Variants in ASB4 observed in about 807,000 individuals in gnomAD.
The protein encoded by ASB4 is ankyrin repeat and SOCS box protein 4.
ASB4 carries 35 observed loss-of-function variants against 38.6 expected under a neutral mutation model. The observed-to-expected ratio is 0.91, with a 90% CI of 0.69 to 1.20. The LOEUF (loss-of-function observed/expected upper bound fraction) is 1.20. Ranked by LOEUF, ASB4 falls within the 50% of genes most tolerant of loss-of-function variation. The pLI, the probability that ASB4 is intolerant of heterozygous loss-of-function variation, is 0.00. For missense variants in ASB4, 557 were observed against 527.2 expected (o/e 1.06, Z -0.55); for synonymous variants, 195 against 201.3 (o/e 0.97, Z 0.26).
Position 95,493,361 on chromosome 7 carries a change from AGTGTGTGT to A in ASB4, c.188-2374_188-2367del, listed in dbSNP as rs199528876. Among the ~76,000 whole-genome samples the A allele has an allele frequency of 6.1e-3, 738 of 120,812 alleles. 10 individuals are homozygous for A. In the East Asian group the frequency reaches 0.062, roughly 10 times the overall value. 79.3% of individuals were successfully genotyped at this position (120,812 alleles called of 152,430 possible). ...CTGAATGGAGTAAAAAAGAGATGAA[AGTGTGTGT>A]GTGTGTGTGTGTGTGTGTGTGTATG... On this transcript the variant is annotated intron_variant, in intron 1 of 4. Transcript: ENST00000325885.
intron 2 of ASB4, among the ~76,000 whole-genome samples, chr7:95,523,572 T>C (rs1396030341): frequency 6.6e-6 from 1 of 152,170 alleles, no homozygotes; most frequent in African/African-American, 2.4e-5. Context: ...AGGTAATTAG[T>C]CTTATGCATC....
chr7:95,519,198 G>A (rs941068065), intron 2 of ASB4, among the ~76,000 whole-genome samples: 2 of 152,122 alleles, frequency 1.3e-5, no homozygotes, highest in African/African-American at 2.4e-5. Flanking sequence ...CTAGAAAAAA[G>A]CAACCAACTG....
At chr7:95,477,455 TTATC>T (rs1384725227), upstream of ASB4, among the ~76,000 whole-genome samples, 1 of 152,198 alleles carries the variant, frequency 6.6e-6, no homozygotes, top group African/African-American at 2.4e-5. Context: ...TTTCACAAAT[TTATC>T]TACTGTAAAA....
chr7:95,502,508 G>T (rs983721349), intron 2 of ASB4, among the ~76,000 whole-genome samples: 32 of 152,178 alleles, frequency 2.1e-4, no homozygotes, highest in African/African-American at 7.5e-4. Flanking sequence ...ACCCAGGGCT[G>T]TCATTTACTT....
chr7:95,517,712 G>A (rs888559966), intron 2 of ASB4, among the ~76,000 whole-genome samples: 1 of 152,144 alleles, frequency 6.6e-6, no homozygotes, highest in Non-Finnish European at 1.5e-5. Context: ...GGCCACTAGT[G>A]ATCTTCGTCT....
At chr7:95,472,750 C>T in the ASB4 span, among the ~76,000 whole-genome samples, 16 of 152,098 alleles carry the variant, frequency 1.1e-4, no homozygotes, top group African/African-American at 3.9e-4. Flanking sequence ...CGCGGTTAAC[C>T]TCAGCTGGAT....
chr7:95,515,205 CTTTCTT>C (rs1200341388), intron 2 of ASB4, among the ~76,000 whole-genome samples: 11 of 130,136 alleles, frequency 8.5e-5, no homozygotes, highest in Non-Finnish European at 1.4e-4. Context: ...TTCTTTCTTT[CTTTCTT>C]TCTTTCTTTC....
chr7:95,541,936 A>G (rs1790975525), downstream of ASB4, among the ~76,000 whole-genome samples: 1 of 152,278 alleles, frequency 6.6e-6, no homozygotes, highest in East Asian at 1.9e-4. Context: ...GTATGGTGGC[A>G]CATGCCTGTA....
At chr7:95,497,732 C>T (rs1585799369) in intron 2 of ASB4, among the ~76,000 whole-genome samples, 1 of 152,238 alleles carries the variant, frequency 6.6e-6, no homozygotes, top group East Asian at 1.9e-4. Flanking sequence ...TGTTTTCTGT[C>T]CCTATAATTT....
intron 2 of ASB4, among the ~76,000 whole-genome samples, chr7:95,524,537 C>T (rs546787979): frequency 6.6e-6 from 1 of 152,034 alleles, no homozygotes; most frequent in South Asian, 2.1e-4. Flanking sequence ...TACTATGTAA[C>T]GTATGTTATG....
intron 2 of ASB4, among the ~76,000 whole-genome samples, chr7:95,523,843 A>G (rs1269105724): frequency 6.6e-6 from 1 of 152,216 alleles, no homozygotes; most frequent in Non-Finnish European, 1.5e-5. Context: ...ATTACATGGA[A>G]ATGCTTATAA....
At chr7:95,549,417 C>T in the ASB4 span, among the ~76,000 whole-genome samples, 2 of 150,814 alleles carry the variant, frequency 1.3e-5, no homozygotes, top group African/African-American at 4.9e-5. Context: ...CTGCCTCAGC[C>T]TCCCTAGTAG....
At chr7:95,489,898 G>T (rs1476516) in intron 1 of ASB4, among the ~76,000 whole-genome samples, 1 of 152,056 alleles carries the variant, frequency 6.6e-6, no homozygotes, top group African/African-American at 2.4e-5. Flanking sequence ...ATACTGGAAA[G>T]ACGAAGGACT....
At chr7:95,524,249 T>C (rs1790705626) in intron 2 of ASB4, among the ~76,000 whole-genome samples, 1 of 152,180 alleles carries the variant, frequency 6.6e-6, no homozygotes, top group Admixed American at 6.6e-5. Context: ...TACAGTTGAA[T>C]GGATAAATTG....
At chr7:95,485,231 T>A (rs1376648543), upstream of ASB4, among the ~76,000 whole-genome samples, 1 of 152,172 alleles carries the variant, frequency 6.6e-6, no homozygotes, top group Non-Finnish European at 1.5e-5. Context: ...TCAAGTAATA[T>A]CTAGTCCACA....
upstream of ASB4, among the ~76,000 whole-genome samples, chr7:95,483,470 A>G (rs941249623): frequency 2.6e-5 from 4 of 152,236 alleles, no homozygotes; most frequent in African/African-American, 9.6e-5. Flanking sequence ...AGAGACTGCT[A>G]AATATTTGGA....
exon 1 of ASB4, chr7:95,478,573 C>A (rs957455961): frequency 1.3e-5 from 2 of 152,078 alleles, no homozygotes; most frequent in Admixed American, 6.5e-5. Flanking sequence ...ATCGTGCCAG[C>A]GACCAAGATT....
chr7:95,521,765 C>T (rs148823603), intron 2 of ASB4, among the ~76,000 whole-genome samples: 25 of 150,296 alleles, frequency 1.7e-4, no homozygotes, highest in East Asian at 5.8e-4. Context: ...ATACAATGTA[C>T]GTAGTTTTTT....
intron 2 of ASB4, among the ~76,000 whole-genome samples, chr7:95,504,716 G>A (rs1332305789): frequency 6.6e-6 from 1 of 152,144 alleles, no homozygotes; most frequent in Non-Finnish European, 1.5e-5. Flanking sequence ...GAGGGTAACA[G>A]TAACAGCAAA....
Sources: gnomAD v4.1 joint callset for allele counts (sites outside exome capture counted in the v4.1 genomes callset) on GRCh38, gnomAD v4.1.1 for gene constraint, MANE v1.5 for transcripts, NCBI Gene and HGNC (gene_info 2026-07-23, HGNC 2026-07-21) for gene names.